The following IQCM variants were observed in gnomAD, a reference collection of about 807,000 sequenced individuals.
The protein encoded by IQCM is IQ motif containing M.
Under a neutral mutation model 57.6 loss-of-function variants are expected in IQCM, and 45 were observed. The observed-to-expected ratio is 0.78, with a 90% CI of 0.62 to 1.00. The LOEUF (loss-of-function observed/expected upper bound fraction) is 1.00. Ranked by LOEUF, IQCM falls within the 50% of genes least tolerant of loss-of-function variation. The probability of loss-of-function intolerance (pLI) is 0.00; values close to 1 mark genes in which losing one functional copy is unlikely to be tolerated. For synonymous variants in IQCM, 148 were observed against 158.9 expected, an observed-to-expected ratio of 0.93 and a Z score of 0.51; for missense variants, 468 against 511.6, an observed-to-expected ratio of 0.91 and a Z score of 0.82.
In IQCM at chr4:149,603,272, A is replaced by C. The variant is rs561928930; in HGVS notation, c.682-15275T>G. Reference sequence around the variant, plus strand: ...GAAAGCATAATTTTAAAAAATCTTAACACATGATAAAAGACAAATGTTAAA... The same window carrying C: ...GAAAGCATAATTTTAAAAAATCTTACCACATGATAAAAGACAAATGTTAAA... On this transcript the variant is annotated intron_variant, in intron 8 of 13. Transcript: ENST00000636793. Among the ~76,000 whole-genome samples the C allele has an allele frequency of 5.9e-5, 9 of 152,310 alleles. No homozygotes were observed. The South Asian group carries it at 1.9e-3, about 32-fold the overall frequency.
At chr4:149,509,372 G>T (rs1159576554) in intron 12 of IQCM, among the ~76,000 whole-genome samples, 1 of 152,002 alleles carries the variant, frequency 6.6e-6, no homozygotes. Flanking sequence ...CAACCTCTCA[G>T]GGCTCAAGTG....
At chr4:149,361,028 T>C (rs939849509) in intron 13 of IQCM, among the ~76,000 whole-genome samples, 1 of 152,160 alleles carries the variant, frequency 6.6e-6, no homozygotes, top group African/African-American at 2.4e-5. Context: ...CAGGCTGAGG[T>C]GGTCTCAGAT....
chr4:149,594,375 C>A (rs561378478), intron 8 of IQCM, among the ~76,000 whole-genome samples: 39 of 152,232 alleles, frequency 2.6e-4, no homozygotes, highest in Admixed American at 1.2e-3. Context: ...TGCTAGCGGT[C>A]TATCAATTTT....
intron 12 of IQCM, among the ~76,000 whole-genome samples, chr4:149,439,387 A>T (rs1378721603): frequency 6.6e-6 from 1 of 152,070 alleles, no homozygotes; most frequent in Non-Finnish European, 1.5e-5. Context: ...AAGCTAAAAG[A>T]CTTTTTCCTT....
chr4:149,421,226 C>T (rs539289943), intron 13 of IQCM, among the ~76,000 whole-genome samples: 13 of 151,918 alleles, frequency 8.6e-5, no homozygotes, highest in Admixed American at 6.6e-4. Context: ...TTAGAGTATT[C>T]GTTAAATAAA....
At chr4:149,430,111 T>C in intron 13 of IQCM, 1 of 848,930 alleles carries the variant, frequency 1.2e-6, no homozygotes. Context: ...TTCTTTCTCA[T>C]AATTTTCCTT....
chr4:149,762,249 T>C (rs1443913165), intron 2 of IQCM, among the ~76,000 whole-genome samples: 2 of 147,064 alleles, frequency 1.4e-5, no homozygotes, highest in Admixed American at 1.4e-4. Context: ...AAAAAAGAAA[T>C]GACTGAGGAG....
intron 8 of IQCM, among the ~76,000 whole-genome samples, chr4:149,589,846 A>G (rs1466779325): frequency 2.0e-5 from 3 of 152,048 alleles, no homozygotes; most frequent in African/African-American, 7.2e-5. Flanking sequence ...TTTAAATGTT[A>G]CCCTCAAGAT....
chr4:149,544,714 A>C (rs1367241205), intron 12 of IQCM, among the ~76,000 whole-genome samples: 1 of 152,224 alleles, frequency 6.6e-6, no homozygotes, highest in Non-Finnish European at 1.5e-5. Context: ...CCAATGGAAT[A>C]GAATAGAGAG....
chr4:149,624,960 C>T (rs1160505584), intron 7 of IQCM, among the ~76,000 whole-genome samples: 1 of 152,184 alleles, frequency 6.6e-6, no homozygotes, highest in African/African-American at 2.4e-5. Flanking sequence ...TTTATCAATT[C>T]TCTCGTATCA....
intron 5 of IQCM, among the ~76,000 whole-genome samples, chr4:149,688,453 A>G (rs566025276): frequency 6.6e-5 from 10 of 152,224 alleles, no homozygotes; most frequent in Admixed American, 5.2e-4. Context: ...GAAATCATAC[A>G]TGACACAAAA....
At chr4:149,590,420 T>C (rs1753042953) in intron 8 of IQCM, among the ~76,000 whole-genome samples, 1 of 151,872 alleles carries the variant, frequency 6.6e-6, no homozygotes, top group Non-Finnish European at 1.5e-5. Context: ...CTTTCTCTCT[T>C]CTTTACACAG....
chr4:149,474,120 A>G (rs1739910030), intron 12 of IQCM, among the ~76,000 whole-genome samples: 1 of 152,152 alleles, frequency 6.6e-6, no homozygotes, highest in South Asian at 2.1e-4. Flanking sequence ...AACTTAAAGT[A>G]TAATAATAAA....
intron 2 of IQCM, among the ~76,000 whole-genome samples, chr4:149,810,124 C>T (rs1774424693): frequency 6.6e-6 from 1 of 152,052 alleles, no homozygotes; most frequent in Admixed American, 6.5e-5. Context: ...GTGGCTCACA[C>T]CGGTAATCCT....
intron 11 of IQCM, 144 bp downstream of exon 11, chr4:149,552,998 CA>C (rs1296249265): frequency 1.9e-6 from 1 of 537,720 alleles, no homozygotes; most frequent in African/African-American, 1.9e-5. Context: ...TTCAAATGTA[CA>C]ACATGCTAAC....
intron 13 of IQCM, among the ~76,000 whole-genome samples, chr4:149,384,393 A>G (rs1395394011): frequency 2.0e-5 from 3 of 152,104 alleles, no homozygotes; most frequent in Admixed American, 2.0e-4. Context: ...CCTTTTGTGA[A>G]GGTTTCCTGC....
intron 5 of IQCM, among the ~76,000 whole-genome samples, chr4:149,696,291 T>C (rs566591366): frequency 1.1e-3 from 170 of 152,280 alleles, no homozygotes; most frequent in African/African-American, 4.0e-3. Context: ...AATGATTTTC[T>C]TTTATGAAAA....
intron 12 of IQCM, among the ~76,000 whole-genome samples, chr4:149,505,901 G>A (rs546534954): frequency 3.2e-4 from 49 of 152,284 alleles, no homozygotes; most frequent in African/African-American, 9.6e-4. Flanking sequence ...GCCTGAAGCC[G>A]TAAGCAGAAG....
intron 11 of IQCM, among the ~76,000 whole-genome samples, chr4:149,551,837 A>G (rs1241658630): frequency 1.3e-5 from 2 of 151,820 alleles, no homozygotes; most frequent in African/African-American, 2.4e-5. Context: ...AAGGAGTCCA[A>G]GTAGCTTCTT....
Sources: allele counts gnomAD v4.1 joint callset (sites outside exome capture counted in the v4.1 genomes callset), GRCh38; gene constraint gnomAD v4.1.1; transcripts MANE v1.5; gene names NCBI Gene and HGNC (gene_info 2026-07-23, HGNC 2026-07-21).